Variants in ZBTB20 observed in about 807,000 individuals in gnomAD.
ZBTB20 encodes the protein zinc finger and BTB domain-containing protein 20.
A neutral mutation model predicts 56.9 loss-of-function variants in ZBTB20; 9 were observed. The ratio of observed to expected loss-of-function variants is 0.16; its 90% CI spans 0.10 to 0.28. The LOEUF (loss-of-function observed/expected upper bound fraction) is 0.28. Among genes scored for constraint, ZBTB20 ranks in the 10% least tolerant of loss-of-function variants. ZBTB20 has a pLI of 1.00. For missense variants in ZBTB20, 655 were observed against 1,003.0 expected (o/e 0.65, Z 4.69); for synonymous variants, 417 against 420.7 (o/e 0.99, Z 0.11).
chr3:114,358,049 T>C lies in ZBTB20; in HGVS notation c.200-6171A>G, dbSNP rs929005157. Among the ~76,000 whole-genome samples the C allele has an allele frequency of 4.6e-5, 7 of 152,198 alleles. No homozygotes were observed. In the South Asian group the frequency reaches 1.0e-3, roughly 22 times the overall value. On this transcript the variant is annotated intron_variant, in intron 10 of 11. Transcript: ENST00000675478. ...TTGTTTTACTCAGAGTAAGTCCCTTTTGACAGTTAAGACAAATCCACAGAA... is the reference window on the plus strand; with the variant it reads ...TTGTTTTACTCAGAGTAAGTCCCTTCTGACAGTTAAGACAAATCCACAGAA...
chr3:114,438,436 C>CA lies in ZBTB20; in HGVS notation c.-254-49332dup, dbSNP rs10689914. 3.0e-3 allele frequency among the ~76,000 whole-genome samples: 423 copies of CA among 140,732 alleles called. 5 individuals are homozygous for CA. The highest frequency in any genetic ancestry group is 8.5e-3 in the African/African-American group (328 of 38,736). 92.3% of individuals were successfully genotyped at this position (140,732 alleles called of 152,430 possible). A position where few individuals can be genotyped will look rare whatever the true frequency, so the allele number is the denominator to read the frequency against. ...CTTGCCAAAAAAAAACAAAAAAAAC[C>CA]AAAAAAAAACAAAACAAAACTTGGC... On this transcript the variant is annotated intron_variant, in intron 7 of 11. Transcript: ENST00000675478.
intron 4 of ZBTB20, among the ~76,000 whole-genome samples, chr3:114,813,806 C>A (rs1161045783): frequency 6.6e-6 from 1 of 152,022 alleles, no homozygotes; most frequent in Non-Finnish European, 1.5e-5. Context: ...TCTAGATAAT[C>A]TAATATAATA....
chr3:114,411,868 C>A (rs2087992364), intron 7 of ZBTB20, among the ~76,000 whole-genome samples: 1 of 152,144 alleles, frequency 6.6e-6, no homozygotes, highest in Non-Finnish European at 1.5e-5. Flanking sequence ...GGATAAATGA[C>A]CTCTTCTGAG....
chr3:114,818,340 C>T (rs1271468760), intron 4 of ZBTB20, among the ~76,000 whole-genome samples: 1 of 151,972 alleles, frequency 6.6e-6, no homozygotes, highest in Admixed American at 6.6e-5. Context: ...TTAATAAGAT[C>T]ATAAAGTTTT....
At chr3:114,921,881 T>C (rs2075974409) in intron 3 of ZBTB20, among the ~76,000 whole-genome samples, 1 of 152,052 alleles carries the variant, frequency 6.6e-6, no homozygotes, top group South Asian at 2.1e-4. Context: ...CACATATATA[T>C]ATATAAAGAG....
At chr3:114,394,452 T>A (rs192495497) in intron 7 of ZBTB20, among the ~76,000 whole-genome samples, 238 of 152,304 alleles carry the variant, frequency 1.6e-3, no homozygotes, top group Non-Finnish European at 2.9e-3. Context: ...TCAGAGCCAC[T>A]GGAAAGATCT....
intron 6 of ZBTB20, among the ~76,000 whole-genome samples, chr3:114,512,824 G>A (rs1177633808): frequency 2.0e-5 from 3 of 152,064 alleles, no homozygotes; most frequent in Admixed American, 1.3e-4. Context: ...CATATCTCAA[G>A]TTACAGGCAA....
At chr3:115,043,179 C>A (rs921848001) in intron 2 of ZBTB20, among the ~76,000 whole-genome samples, 1 of 152,064 alleles carries the variant, frequency 6.6e-6, no homozygotes, top group African/African-American at 2.4e-5. Flanking sequence ...TATAAAATTT[C>A]TATATCAGAA....
chr3:115,137,867 CCA>C (rs1476187311), intron 1 of ZBTB20, among the ~76,000 whole-genome samples: 4 of 152,066 alleles, frequency 2.6e-5, no homozygotes, highest in Non-Finnish European at 4.4e-5. Flanking sequence ...AAATGGCTTA[CCA>C]CACAGATTGT....
At chr3:114,432,702 A>G (rs1384294312) in intron 7 of ZBTB20, among the ~76,000 whole-genome samples, 1 of 152,214 alleles carries the variant, frequency 6.6e-6, no homozygotes, top group Non-Finnish European at 1.5e-5. Flanking sequence ...GAACCAAAGG[A>G]AAACTGGAAT....
chr3:115,049,822 T>C (rs988857839), intron 2 of ZBTB20, among the ~76,000 whole-genome samples: 2 of 152,236 alleles, frequency 1.3e-5, no homozygotes, highest in East Asian at 3.9e-4. Context: ...ATTACCTCAG[T>C]TGGTACTGGT....
At chr3:114,843,187 A>G (rs1372618247) in intron 4 of ZBTB20, among the ~76,000 whole-genome samples, 1 of 152,196 alleles carries the variant, frequency 6.6e-6, no homozygotes, top group African/African-American at 2.4e-5. Flanking sequence ...TAAATTGCCC[A>G]GTCTCAGGTA....
intron 6 of ZBTB20, among the ~76,000 whole-genome samples, chr3:114,693,060 G>A (rs2062792704): frequency 6.6e-6 from 1 of 152,138 alleles, no homozygotes; most frequent in Non-Finnish European, 1.5e-5. Context: ...GTAGTTCAAA[G>A]TATCACTAAA....
intron 6 of ZBTB20, among the ~76,000 whole-genome samples, chr3:114,560,962 T>C (rs1289910791): frequency 6.6e-6 from 1 of 152,242 alleles, no homozygotes; most frequent in African/African-American, 2.4e-5. Context: ...CAAATGAGTT[T>C]ATAAAACATT....
intron 2 of ZBTB20, among the ~76,000 whole-genome samples, chr3:115,048,338 C>T (rs1249507711): frequency 6.6e-6 from 1 of 152,164 alleles, no homozygotes; most frequent in Non-Finnish European, 1.5e-5. Flanking sequence ...TATCTCAATT[C>T]AGTTAGCTTT....
At position 114,800,044 on chromosome 3, in the gene ZBTB20, A is replaced by G. The variant is rs369026307; in HGVS notation, c.-343+1057T>C. On this transcript the variant is annotated intron_variant, in intron 5 of 11. Transcript: ENST00000675478. ...TGTGACACTCTAAAAACCACGATAC[A>G]GTAGACTCCACATCTGGCATTCCAA... 9.2e-5 allele frequency among the ~76,000 whole-genome samples: 14 copies of G among 152,038 alleles called. No individual in the cohort carries two copies. The East Asian group carries it at 2.5e-3, about 27-fold the overall frequency.
intron 5 of ZBTB20, among the ~76,000 whole-genome samples, chr3:114,787,340 T>C (rs2070585539): frequency 3.8e-5 from 1 of 26,300 alleles, no homozygotes; most frequent in Non-Finnish European, 1.1e-4. Flanking sequence ...GTTATATATA[T>C]ATATATATAT....
At chr3:114,418,710 T>C (rs1257348091) in intron 7 of ZBTB20, among the ~76,000 whole-genome samples, 1 of 152,004 alleles carries the variant, frequency 6.6e-6, no homozygotes, top group Non-Finnish European at 1.5e-5. Context: ...TGGGGTATGT[T>C]GAAATAAAAT....
At position 114,399,045 on chromosome 3, in the gene ZBTB20, G is replaced by A. The variant is rs1455701338; in HGVS notation, c.-254-9940C>T. Among the ~76,000 whole-genome samples the A allele has an allele frequency of 5.9e-5, 9 of 152,156 alleles. 1 individual carries two copies. The highest frequency in any genetic ancestry group is 5.2e-4 in the Admixed American group (8 of 15,270). ...TCGGGCTAGTGTGTAATAACTAGAT[G>A]TTAAGGGGCCCTGAGTTTTTCAGAT... On this transcript the variant is annotated intron_variant, in intron 7 of 11. Transcript: ENST00000675478.
Sources: gnomAD v4.1 joint callset for allele counts (sites outside exome capture counted in the v4.1 genomes callset) on GRCh38, gnomAD v4.1.1 for gene constraint, MANE v1.5 for transcripts, NCBI Gene and HGNC (gene_info 2026-07-23, HGNC 2026-07-21) for gene names.